Variants in EDARADD observed in about 807,000 individuals in gnomAD.
The protein encoded by EDARADD is ectodysplasin-A receptor-associated adapter protein.
In EDARADD, 20 loss-of-function variants were observed where a neutral mutation model predicts 25.6. That is an observed-to-expected ratio of 0.78 (90% CI 0.55 to 1.14). The LOEUF (loss-of-function observed/expected upper bound fraction) is 1.14, where lower values mean the gene tolerates loss of function less well. Ranked by LOEUF, EDARADD falls within the 50% of genes most tolerant of loss-of-function variation. The pLI, the probability that EDARADD is intolerant of heterozygous loss-of-function variation, is 0.00. For synonymous variants in EDARADD, 86 were observed against 94.4 expected (o/e 0.91, Z 0.52); for missense variants, 225 against 270.1 (o/e 0.83, Z 1.17).
At position 236,457,768 on chromosome 1, in the gene EDARADD, A is replaced by G. The variant is rs183259306; in HGVS notation, c.220-10463A>G. On this transcript the variant is annotated intron_variant, in intron 4 of 5. Coordinates refer to ENST00000334232, the MANE Select transcript of EDARADD (RefSeq NM_145861.4). ...CAGGAGGCGGAGGCTGCAGTGAGCC[A>G]AGATCGCACCACTGCACTCCAGCCT... Among the ~76,000 whole-genome samples the G allele has an allele frequency of 3.5e-3, 537 of 151,390 alleles. 2 individuals are homozygous for G. Among genetic ancestry groups the G allele is most frequent in the African/African-American group, 0.012 (511 of 41,118 alleles).
intron 4 of EDARADD, among the ~76,000 whole-genome samples, chr1:236,464,690 C>A (rs1571952125): frequency 6.6e-6 from 1 of 152,012 alleles, no homozygotes; most frequent in East Asian, 1.9e-4. Context: ...GCCTCGGCCT[C>A]CCAAAATGCT....
chr1:236,357,807 A>G (rs527599254), intron 3 of EDARADD, among the ~76,000 whole-genome samples: 1 of 152,200 alleles, frequency 6.6e-6, no homozygotes, highest in Admixed American at 6.6e-5. Context: ...ACAGTTCAAC[A>G]TGAGATGTGG....
chr1:236,473,096 C>T (rs1659400552), intron 5 of EDARADD, among the ~76,000 whole-genome samples: 2 of 152,208 alleles, frequency 1.3e-5, no homozygotes. Flanking sequence ...CTGCTGTGTG[C>T]CTGGTGTGCA....
In EDARADD at chr1:236,357,960, C is replaced by T. The variant is rs138848405; in HGVS notation, c.-6+7121C>T. On this transcript the variant is annotated intron_variant, in intron 3 of 7. Transcript: ENST00000439430. ...TGACCTCGGCTCACTGCAACCTCTG[C>T]CCCTTAGGTTCAACCAATTCTCCTG... Among the ~76,000 whole-genome samples, 277 of 151,810 alleles carry T rather than the reference C, an allele frequency of 1.8e-3. 2 individuals are homozygous for T. The highest frequency in any genetic ancestry group is 6.5e-3 in the African/African-American group (270 of 41,380).
In EDARADD at chr1:236,482,838, AC is replaced by A. The variant is rs2103042918; in HGVS notation, c.*190del. On this transcript the variant is annotated 3_prime_UTR_variant, in exon 6 of 6. Coordinates refer to ENST00000334232, the MANE Select transcript of EDARADD (RefSeq NM_145861.4). ...GTGGTGGATCTCTGTTTATTTTTGC[AC>A]ATCTGTTATAATTTAATATTCAAAT... 1 of 726,362 alleles carries A rather than the reference AC, an allele frequency of 1.4e-6. No individual in the cohort carries two copies. The highest frequency in any genetic ancestry group is 1.8e-5 in the South Asian group (1 of 54,436). 45.0% of individuals were successfully genotyped at this position (726,362 alleles called of 1,614,324 possible).
Position 236,394,380 on chromosome 1 carries a change from C to G in EDARADD, c.-65C>G. The G allele has an allele frequency of 1.3e-6, 2 of 1,565,990 alleles. No individual in the cohort carries two copies. Among genetic ancestry groups the G allele is most frequent in the Middle Eastern group, 3.4e-4 (2 of 5,958 alleles). Reference sequence around the variant, plus strand: ...TGGCCAGACAACCAGCGAGCATCTTCTCGCAATCTGTTGCTTCTTCCATGG... The same window carrying G: ...TGGCCAGACAACCAGCGAGCATCTTGTCGCAATCTGTTGCTTCTTCCATGG... On this transcript the variant is annotated 5_prime_UTR_variant, in exon 1 of 6. Transcript: ENST00000334232.
In EDARADD at chr1:236,376,080, A is replaced by G. The variant is rs147935631; in HGVS notation, c.-6+25241A>G. ...CTCCCAAGTGACTGGGATTACAGGC[A>G]TGCACCACCATGCCCAGCTAATTTT... On this transcript the variant is annotated intron_variant, in intron 3 of 7. Coordinates refer to the EDARADD transcript ENST00000439430. 3.6e-3 allele frequency among the ~76,000 whole-genome samples: 548 copies of G among 151,736 alleles called. 4 individuals are homozygous for G. Among genetic ancestry groups the G allele is most frequent in the African/African-American group, 0.013 (531 of 41,350 alleles).
intron 4 of EDARADD, among the ~76,000 whole-genome samples, chr1:236,461,951 A>AC (rs1659049464): frequency 6.6e-6 from 1 of 152,208 alleles, no homozygotes. Context: ...CAAGGTTTCA[A>AC]CGTACTGAGT....
chr1:236,462,567 C>G lies in EDARADD; in HGVS notation c.220-5664C>G, dbSNP rs369102012. Among the ~76,000 whole-genome samples, 27 of 152,202 alleles carry G rather than the reference C, an allele frequency of 1.8e-4. No homozygotes were observed. The East Asian group carries it at 1.9e-3, about 11-fold the overall frequency. On this transcript the variant is annotated intron_variant, in intron 4 of 5. Transcript: ENST00000334232. ...CTGAGAGCTTTTCCCAGGGTGTGCC[C>G]TGGGGTTTCTGCTGCTTGCAGCCTG...
chr1:236,399,119 T>A (rs1667570939), intron 1 of EDARADD, among the ~76,000 whole-genome samples: 1 of 152,228 alleles, frequency 6.6e-6, no homozygotes, highest in African/African-American at 2.4e-5. Context: ...TGTTTGTATA[T>A]CCACGTGCAT....
chr1:236,350,932 A>G (rs1220978668), intron 3 of EDARADD: 1 of 152,180 alleles, frequency 6.6e-6, no homozygotes, highest in African/African-American at 2.4e-5. Context: ...TCAATAGCTT[A>G]TATTATTTTA....
chr1:236,405,865 C>T (rs1558112734), intron 1 of EDARADD, among the ~76,000 whole-genome samples: 2 of 58,058 alleles, frequency 3.4e-5, no homozygotes, highest in African/African-American at 1.5e-4. Flanking sequence ...TTCCTTCCTT[C>T]CTTCCTTCCT....
intron 1 of EDARADD, among the ~76,000 whole-genome samples, chr1:236,397,875 A>G (rs546161524): frequency 1.3e-5 from 2 of 152,134 alleles, no homozygotes; most frequent in South Asian, 2.1e-4. Flanking sequence ...CCTTCCTAAC[A>G]TATTGTTTCG....
chr1:236,475,912 C>T lies in EDARADD; in HGVS notation c.266-6355C>T, dbSNP rs148580877. Among the ~76,000 whole-genome samples, 414 of 152,072 alleles carry T rather than the reference C, an allele frequency of 2.7e-3. 5 individuals are homozygous for T. The highest frequency in any genetic ancestry group is 9.3e-3 in the African/African-American group (387 of 41,508). On this transcript the variant is annotated intron_variant, in intron 5 of 5. Transcript: ENST00000334232. ...CTCAGTTTAAAGAAACTTTACAGGC[C>T]GGGCGCGGTGGCTCATGCCCGTAAT...
At chr1:236,385,474 A>G (rs976559991) in intron 3 of EDARADD, among the ~76,000 whole-genome samples, 1 of 148,628 alleles carries the variant, frequency 6.7e-6, no homozygotes, top group African/African-American at 2.5e-5. Flanking sequence ...CTGTAATCCC[A>G]GCACTTTGGG....
chr1:236,419,981 C>G (rs1163490225), intron 3 of EDARADD, among the ~76,000 whole-genome samples: 1 of 152,104 alleles, frequency 6.6e-6, no homozygotes, highest in African/African-American at 2.4e-5. Context: ...AGTTCCAGAC[C>G]AGCCTGGTCA....
At chr1:236,397,368 C>A (rs760880723) in intron 1 of EDARADD, among the ~76,000 whole-genome samples, 8 of 152,028 alleles carry the variant, frequency 5.3e-5, no homozygotes, top group Non-Finnish European at 8.8e-5. Flanking sequence ...CACTGCACTC[C>A]AGCCTGGGTG....
At chr1:236,397,963 C>T (rs1006615357) in intron 1 of EDARADD, among the ~76,000 whole-genome samples, 6 of 152,074 alleles carry the variant, frequency 3.9e-5, no homozygotes, top group African/African-American at 7.2e-5. Flanking sequence ...ATCTTGAGCT[C>T]GCTTTACCCC....
intron 4 of EDARADD, among the ~76,000 whole-genome samples, chr1:236,453,367 C>G (rs1040412726): frequency 6.6e-6 from 1 of 151,404 alleles, no homozygotes; most frequent in Non-Finnish European, 1.5e-5. Flanking sequence ...GCCTCCACCT[C>G]CCAGGTTCAA....
Sources: allele counts gnomAD v4.1 joint callset (sites outside exome capture counted in the v4.1 genomes callset), GRCh38; gene constraint gnomAD v4.1.1; transcripts MANE v1.5; gene names NCBI Gene and HGNC (gene_info 2026-07-23, HGNC 2026-07-21).